The following FER variants were observed in gnomAD, a reference collection of about 807,000 sequenced individuals.
FER encodes FER tyrosine kinase, also known as tyrosine-protein kinase Fer.
A neutral mutation model predicts 111.0 loss-of-function variants in FER; 63 were observed. The ratio of observed to expected loss-of-function variants is 0.57; its 90% CI spans 0.46 to 0.70. The LOEUF (loss-of-function observed/expected upper bound fraction) is 0.70, where lower values mean the gene tolerates loss of function less well. Ranked by LOEUF, FER falls within the 30% of genes least tolerant of loss-of-function variation. The pLI is 0.00. For missense variants in FER, 914 were observed against 954.0 expected (o/e 0.96, Z 0.55); for synonymous variants, 327 against 313.9 (o/e 1.04, Z -0.44).
chr5:109,149,346 T>C (rs2126680130), intron 17 of FER, among the ~76,000 whole-genome samples: 1 of 152,248 alleles, frequency 6.6e-6, no homozygotes, highest in Non-Finnish European at 1.5e-5. Context: ...ATCTGGAGCA[T>C]GAGACACCCT....
chr5:108,783,075 TCTC>T (rs1754279169), intron 2 of FER, among the ~76,000 whole-genome samples: 1 of 152,196 alleles, frequency 6.6e-6, no homozygotes, highest in Non-Finnish European at 1.5e-5. Context: ...CTCTTTCTCT[TCTC>T]CTTGCACTCT....
At chr5:108,872,029 T>C in intron 7 of FER, 64 bp from the exon 8 acceptor site, 1 of 1,461,436 alleles carries the variant, frequency 6.8e-7, no homozygotes, top group Admixed American at 2.2e-5. Flanking sequence ...GCCTTTAGTG[T>C]ATATGAAGAT....
intron 3 of FER, among the ~76,000 whole-genome samples, chr5:108,831,773 T>C (rs1421735281): frequency 1.3e-5 from 2 of 152,246 alleles, no homozygotes; most frequent in African/African-American, 4.8e-5. Context: ...TTTGATTACA[T>C]TGGAATATTA....
chr5:109,133,593 T>A lies in FER; in HGVS notation c.2048+33074T>A, dbSNP rs1752589351. 2.6e-5 allele frequency among the ~76,000 whole-genome samples: 4 copies of A among 152,152 alleles called. No homozygotes were observed. In the South Asian group the frequency reaches 6.2e-4, roughly 24 times the overall value. ...AAGGTTTTAAAAACAGTTACCTGTA[T>A]CTCTGGGATAAAAAAGAAAGCACAT... On this transcript the variant is annotated intron_variant, in intron 17 of 19. Coordinates refer to ENST00000281092, the MANE Select transcript of FER (RefSeq NM_005246.4).
At chr5:109,050,717 G>T (rs1772669749) in intron 16 of FER, among the ~76,000 whole-genome samples, 2 of 152,158 alleles carry the variant, frequency 1.3e-5, no homozygotes, top group South Asian at 4.1e-4. Context: ...TGTGGGCCTT[G>T]TCTGAATTTT....
chr5:109,117,925 T>C (rs1168685309), intron 17 of FER, among the ~76,000 whole-genome samples: 1 of 152,044 alleles, frequency 6.6e-6, no homozygotes, highest in Non-Finnish European at 1.5e-5. Flanking sequence ...CGATGGGGTT[T>C]TCTAGATATA....
At chr5:109,143,435 A>G (rs1012781022) in intron 17 of FER, among the ~76,000 whole-genome samples, 1 of 152,098 alleles carries the variant, frequency 6.6e-6, no homozygotes, top group African/African-American at 2.4e-5. Flanking sequence ...ATCCAGTGTA[A>G]GTTTTTGTTT....
At chr5:109,083,618 T>C (rs976310097) in intron 16 of FER, among the ~76,000 whole-genome samples, 16 of 152,084 alleles carry the variant, frequency 1.1e-4, no homozygotes, top group African/African-American at 3.6e-4. Flanking sequence ...TGTGAAGAGA[T>C]ACTTTTCCAC....
rs1333021533 is a variant in FER at position 109,055,710 on chromosome 5, C to G, written c.1924+8512C>G. On this transcript the variant is annotated intron_variant, in intron 16 of 19. Coordinates refer to ENST00000281092, the MANE Select transcript of FER (RefSeq NM_005246.4). Reference sequence around the variant, plus strand: ...GCTGAGATGGAAGTATTATTTAAGCCAGGGAGGTTGAGTCTGCAGTGAGCT... The same window carrying G: ...GCTGAGATGGAAGTATTATTTAAGCGAGGGAGGTTGAGTCTGCAGTGAGCT... Among the ~76,000 whole-genome samples the G allele has an allele frequency of 3.4e-5, 5 of 149,038 alleles. No homozygotes were observed. The East Asian group carries it at 9.8e-4, about 29-fold the overall frequency.
At chr5:108,977,410 T>A (rs1159099909) in intron 13 of FER, among the ~76,000 whole-genome samples, 1 of 152,154 alleles carries the variant, frequency 6.6e-6, no homozygotes, top group Admixed American at 6.5e-5. Context: ...GCTAGGCAAT[T>A]CATCTGCTTT....
At chr5:108,780,774 C>T (rs114095364) in intron 2 of FER, among the ~76,000 whole-genome samples, 135 of 151,770 alleles carry the variant, frequency 8.9e-4, no homozygotes, top group African/African-American at 3.2e-3. Context: ...ATGTATGTTA[C>T]ACCTTTTTTA....
chr5:109,117,277 A>G (rs1281954384), intron 17 of FER, among the ~76,000 whole-genome samples: 5 of 152,168 alleles, frequency 3.3e-5, no homozygotes, highest in Non-Finnish European at 5.9e-5. Flanking sequence ...ATCATTGTAT[A>G]AGATTCTGTG....
At chr5:108,940,019 A>T (rs570157595) in intron 10 of FER, among the ~76,000 whole-genome samples, 2 of 152,138 alleles carry the variant, frequency 1.3e-5, no homozygotes, top group African/African-American at 4.8e-5. Context: ...TGCAACAAAT[A>T]CAAAACCCAT....
At chr5:108,923,352 T>A (rs1377219756) in intron 10 of FER, among the ~76,000 whole-genome samples, 1 of 152,078 alleles carries the variant, frequency 6.6e-6, no homozygotes, top group African/African-American at 2.4e-5. Context: ...TAAAAAATTT[T>A]TTTTTGATTG....
chr5:109,122,978 T>G (rs1185426896), intron 17 of FER, among the ~76,000 whole-genome samples: 1 of 152,140 alleles, frequency 6.6e-6, no homozygotes, highest in Non-Finnish European at 1.5e-5. Flanking sequence ...GTGTTTTTCT[T>G]GTAGGCAATA....
chr5:108,951,499 T>G (rs1183696185), intron 11 of FER, among the ~76,000 whole-genome samples: 1 of 152,150 alleles, frequency 6.6e-6, no homozygotes, highest in African/African-American at 2.4e-5. Flanking sequence ...TGAATTACTC[T>G]TTGTCACCCT....
chr5:108,812,752 A>C (rs1220764058), intron 3 of FER, among the ~76,000 whole-genome samples: 3 of 152,078 alleles, frequency 2.0e-5, no homozygotes. Context: ...TAATGGTTGC[A>C]TTAAGGTCTA....
intron 13 of FER, among the ~76,000 whole-genome samples, chr5:108,989,224 A>G (rs1762899907): frequency 6.6e-6 from 1 of 152,010 alleles, no homozygotes; most frequent in African/African-American, 2.4e-5. Context: ...TGTTTTTATT[A>G]TAATAGAAAA....
intron 17 of FER, among the ~76,000 whole-genome samples, chr5:109,136,680 A>G (rs539582632): frequency 6.6e-6 from 1 of 152,286 alleles, no homozygotes; most frequent in Non-Finnish European, 1.5e-5. Flanking sequence ...GATTTAGTGA[A>G]GATACATGTG....
Sources: gnomAD v4.1 joint callset for allele counts (sites outside exome capture counted in the v4.1 genomes callset) on GRCh38, gnomAD v4.1.1 for gene constraint, MANE v1.5 for transcripts, NCBI Gene and HGNC (gene_info 2026-07-23, HGNC 2026-07-21) for gene names.